ANO4: variants seen among roughly 807,000 people sequenced by gnomAD.
ANO4 encodes anoctamin 4.
In ANO4, 69 loss-of-function variants were observed where a neutral mutation model predicts 141.9. The ratio of observed to expected loss-of-function variants is 0.49; its 90% confidence interval spans 0.40 to 0.59. The LOEUF is 0.59. Ranked by LOEUF, ANO4 falls within the 20% of genes least tolerant of loss-of-function variation. The pLI is 0.00. For missense variants in ANO4, 894 were observed against 1,162.2 expected, an observed-to-expected ratio of 0.77 and a Z score of 3.36; for synonymous variants, 350 against 394.3, an observed-to-expected ratio of 0.89 and a Z score of 1.33.
intron 1 of ANO4, among the ~76,000 whole-genome samples, chr12:100,731,872 C>A (rs563331616): frequency 6.6e-6 from 1 of 152,120 alleles, no homozygotes; most frequent in African/African-American, 2.4e-5. Flanking sequence ...TCTGGATATA[C>A]CACAGTTTTA....
intron 3 of ANO4, among the ~76,000 whole-genome samples, chr12:100,740,561 A>G (rs2031817893): frequency 6.6e-6 from 1 of 152,182 alleles, no homozygotes; most frequent in Non-Finnish European, 1.5e-5. Context: ...CAAGATATCT[A>G]TCTTGGACTA....
chr12:100,909,990 C>T (rs537956121), intron 2 of ANO4, among the ~76,000 whole-genome samples: 24 of 151,950 alleles, frequency 1.6e-4, no homozygotes, highest in African/African-American at 5.3e-4. Flanking sequence ...TTGAATATTC[C>T]TAATTCAAAT....
intron 1 of ANO4, among the ~76,000 whole-genome samples, chr12:100,838,408 T>G (rs899284302): frequency 1.3e-5 from 2 of 151,990 alleles, no homozygotes; most frequent in African/African-American, 4.8e-5. Flanking sequence ...GGAAAAAGAA[T>G]AAGAGTGCAC....
chr12:101,072,631 AG>A (rs990808816), intron 14 of ANO4, among the ~76,000 whole-genome samples: 2 of 152,308 alleles, frequency 1.3e-5, no homozygotes, highest in South Asian at 4.1e-4. Context: ...AGCAAAAGAA[AG>A]TAACATCAGA....
intron 22 of ANO4, among the ~76,000 whole-genome samples, chr12:101,106,574 T>TATAG: frequency 2.2e-5 from 1 of 45,548 alleles, no homozygotes; most frequent in South Asian, 5.8e-4. Context: ...TGTGTGTGTG[T>TATAG]ATATATATAT....
At chr12:100,790,441 C>A (rs2034006971), upstream of ANO4, among the ~76,000 whole-genome samples, 2 of 152,172 alleles carry the variant, frequency 1.3e-5, no homozygotes, top group Admixed American at 6.5e-5. Flanking sequence ...GCCCCTAATT[C>A]TGTGTTGAGA....
intron 5 of ANO4, among the ~76,000 whole-genome samples, chr12:100,949,554 T>C (rs898899623): frequency 2.0e-5 from 3 of 152,230 alleles, no homozygotes; most frequent in Non-Finnish European, 4.4e-5. Flanking sequence ...ACTGTTATCA[T>C]AACGGCTAAA....
At chr12:101,034,272 ATG>A in intron 9 of ANO4, among the ~76,000 whole-genome samples, 1 of 152,342 alleles carries the variant, frequency 6.6e-6, no homozygotes, top group African/African-American at 2.4e-5. Context: ...GATAAAGAAA[ATG>A]TGGTACATAT....
intron 3 of ANO4, among the ~76,000 whole-genome samples, chr12:100,923,846 G>A (rs536307332): frequency 6.6e-6 from 1 of 152,224 alleles, no homozygotes; most frequent in East Asian, 1.9e-4. Context: ...GTGTTAGATG[G>A]TATCTCATGG....
intron 2 of ANO4, among the ~76,000 whole-genome samples, chr12:100,918,505 A>C (rs888711588): frequency 1.3e-5 from 2 of 152,234 alleles, no homozygotes; most frequent in Non-Finnish European, 2.9e-5. Context: ...CATGCACCGC[A>C]TGATGACTTT....
intron 1 of ANO4, among the ~76,000 whole-genome samples, chr12:100,835,525 C>A (rs1421187371): frequency 6.6e-6 from 1 of 152,116 alleles, no homozygotes; most frequent in Non-Finnish European, 1.5e-5. Context: ...ACATAAACTA[C>A]TATAAAAGTT....
At chr12:100,998,415 C>CTATA in intron 8 of ANO4, among the ~76,000 whole-genome samples, 1 of 151,812 alleles carries the variant, frequency 6.6e-6, no homozygotes, top group East Asian at 1.9e-4. Flanking sequence ...ATCTATCTAT[C>CTATA]CATCCTATTA....
intron 15 of ANO4, among the ~76,000 whole-genome samples, chr12:101,082,629 C>G (rs1292151772): frequency 6.6e-6 from 1 of 152,238 alleles, no homozygotes. Context: ...TACCCATGAC[C>G]TACCCCTGAG....
chr12:100,750,897 A>G (rs2032343475), intron 3 of ANO4, among the ~76,000 whole-genome samples: 1 of 152,148 alleles, frequency 6.6e-6, no homozygotes, highest in Non-Finnish European at 1.5e-5. Flanking sequence ...TGTGCATGCA[A>G]GAAGTTTCCT....
chr12:101,004,023 G>A (rs189946281), intron 8 of ANO4, among the ~76,000 whole-genome samples: 5 of 152,036 alleles, frequency 3.3e-5, no homozygotes, highest in African/African-American at 1.2e-4. Context: ...CTTCTGTGGT[G>A]TGTAGTTTCT....
At chr12:100,918,062 C>T (rs1593754173) in intron 2 of ANO4, among the ~76,000 whole-genome samples, 1 of 152,196 alleles carries the variant, frequency 6.6e-6, no homozygotes, top group South Asian at 2.1e-4. Context: ...TGCAATGGCT[C>T]ACGCCTATAA....
chr12:100,874,143 G>A (rs2039176131), intron 1 of ANO4, among the ~76,000 whole-genome samples: 1 of 152,278 alleles, frequency 6.6e-6, no homozygotes, highest in African/African-American at 2.4e-5. Flanking sequence ...GAAATGGCTG[G>A]ATGTCCAGCC....
In ANO4 at chr12:100,765,636, A is replaced by G. The variant is rs143311921; in HGVS notation, c.358+25531A>G. Among the ~76,000 whole-genome samples, 45 of 151,262 alleles carry G rather than the reference A, an allele frequency of 3.0e-4. 1 individual carries two copies. In the East Asian group the frequency reaches 7.4e-3, roughly 25 times the overall value. ...AGCGATCTTTCCGCCTTAGCCTCCC[A>G]GAATGCTAGGAATTCAGATGTGAGC... On this transcript the variant is annotated intron_variant, in intron 3 of 29. Transcript: ENST00000644049.
intron 12 of ANO4, among the ~76,000 whole-genome samples, chr12:101,043,323 T>C (rs1449639052): frequency 6.6e-6 from 1 of 152,246 alleles, no homozygotes; most frequent in Non-Finnish European, 1.5e-5. Context: ...GTTTAACTTA[T>C]TAATACATAA....
Sources: gnomAD v4.1 joint callset for allele counts (sites outside exome capture counted in the v4.1 genomes callset) on GRCh38, gnomAD v4.1.1 for gene constraint, MANE v1.5 for transcripts, NCBI Gene and HGNC (gene_info 2026-07-23, HGNC 2026-07-21) for gene names.